NRG1: variants seen among roughly 807,000 people sequenced by gnomAD.
The protein encoded by NRG1 is neuregulin 1.
NRG1 carries 18 observed loss-of-function variants against 63.8 expected under a neutral mutation model. The observed-to-expected ratio is 0.28, with a 90% confidence interval of 0.19 to 0.42. NRG1 has a LOEUF of 0.42. NRG1 is among the 10% of genes least tolerant of loss of function. NRG1 has a pLI of 1.00. For missense variants in NRG1, 762 were observed against 814.7 expected (o/e 0.94, Z 0.79); for synonymous variants, 302 against 301.3 (o/e 1.00, Z -0.02).
In NRG1 at chr8:32,177,514, G is replaced by C. The variant is rs968087367; in HGVS notation, c.38-418314G>C. ...AAATATAAAAGACCTGCATGCATTA[G>C]GTGTTTGTCCTAATGCTCTGCCTCC... is the stretch of plus-strand genomic sequence containing the variant. On this transcript the variant is annotated intron_variant, in intron 1 of 10. Transcript: ENST00000519301. Among the ~76,000 whole-genome samples the C allele has an allele frequency of 9.9e-5, 15 of 151,952 alleles. No homozygotes were observed. In the South Asian group the frequency reaches 3.1e-3, roughly 32 times the overall value.
chr8:32,378,665 A>T (rs1204623486), intron 1 of NRG1, among the ~76,000 whole-genome samples: 6 of 152,154 alleles, frequency 3.9e-5, no homozygotes, highest in Admixed American at 3.9e-4. Flanking sequence ...CATGTGCACA[A>T]CGTGCAGGTT....
intron 1 of NRG1, among the ~76,000 whole-genome samples, chr8:32,086,735 T>C (rs1828277014): frequency 6.6e-6 from 1 of 152,338 alleles, no homozygotes; most frequent in South Asian, 2.1e-4. Context: ...TATTGTTTAC[T>C]GTGTTTAAAA....
chr8:32,761,906 G>C (rs1830746839), intron 11 of NRG1, among the ~76,000 whole-genome samples: 1 of 151,898 alleles, frequency 6.6e-6, no homozygotes, highest in Non-Finnish European at 1.5e-5. Flanking sequence ...GGGTATGGTG[G>C]TGCTGCCCTG....
chr8:31,862,581 C>A (rs1828565309), intron 1 of NRG1, among the ~76,000 whole-genome samples: 1 of 152,172 alleles, frequency 6.6e-6, no homozygotes, highest in African/African-American at 2.4e-5. Context: ...TTTAGCCCGA[C>A]CATGACTTTT....
chr8:32,346,928 C>G (rs894523641), intron 1 of NRG1, among the ~76,000 whole-genome samples: 2 of 151,688 alleles, frequency 1.3e-5, no homozygotes, highest in African/African-American at 4.8e-5. Context: ...CTTCCAGGTT[C>G]ATGCCATTCT....
At chr8:31,754,869 A>G (rs955112044) in intron 1 of NRG1, among the ~76,000 whole-genome samples, 1 of 152,126 alleles carries the variant, frequency 6.6e-6, no homozygotes. Flanking sequence ...GATTCTAATT[A>G]TCTTTATTGA....
At chr8:32,646,876 G>C (rs1184449201) in intron 5 of NRG1, 7 of 984,944 alleles carry the variant, frequency 7.1e-6, no homozygotes, top group Non-Finnish European at 8.4e-6. Context: ...AGTGTGGGTA[G>C]AGAGCGGGGA....
At chr8:32,393,680 G>A (rs939408748) in intron 1 of NRG1, among the ~76,000 whole-genome samples, 1 of 152,048 alleles carries the variant, frequency 6.6e-6, no homozygotes, top group African/African-American at 2.4e-5. Context: ...GGAGCTAAAT[G>A]ACGAGAATAC....
intron 1 of NRG1, among the ~76,000 whole-genome samples, chr8:31,680,136 AT>A (rs1563285822): frequency 6.6e-6 from 1 of 151,848 alleles, no homozygotes; most frequent in Non-Finnish European, 1.5e-5. Context: ...GTTTATTTTT[AT>A]TTTTTATTTT....
chr8:32,527,886 A>T (rs570856542), intron 1 of NRG1, among the ~76,000 whole-genome samples: 1 of 152,204 alleles, frequency 6.6e-6, no homozygotes, highest in African/African-American at 2.4e-5. Context: ...ATATCCTGAC[A>T]GCGCCACCTT....
intron 1 of NRG1, among the ~76,000 whole-genome samples, chr8:32,516,656 A>T (rs1829852981): frequency 1.3e-5 from 2 of 152,030 alleles, no homozygotes; most frequent in Admixed American, 1.3e-4. Context: ...CCTTGCTTAG[A>T]TTTATTCCTA....
intron 2 of NRG1, among the ~76,000 whole-genome samples, chr8:32,603,097 T>C (rs868454201): frequency 6.6e-6 from 1 of 152,224 alleles, no homozygotes; most frequent in Non-Finnish European, 1.5e-5. Flanking sequence ...ATAATGTCTC[T>C]GGTTGATGTG....
chr8:32,572,330 G>C (rs1352964372), intron 1 of NRG1, among the ~76,000 whole-genome samples: 1 of 152,104 alleles, frequency 6.6e-6, no homozygotes, highest in Admixed American at 6.6e-5. Flanking sequence ...AGCCCTCATA[G>C]GAATAAATTG....
At chr8:32,605,450 T>C (rs1302146138) in intron 2 of NRG1, 112 bp from the exon 3 acceptor site, 5 of 1,192,268 alleles carry the variant, frequency 4.2e-6, no homozygotes, top group Non-Finnish European at 6.1e-6. Context: ...TTAACATATG[T>C]ATAAGGTGGG....
chr8:32,236,291 A>G (rs1271728826), intron 1 of NRG1, among the ~76,000 whole-genome samples: 1 of 152,144 alleles, frequency 6.6e-6, no homozygotes, highest in Non-Finnish European at 1.5e-5. Flanking sequence ...GGGGAAAATC[A>G]AATTATGATA....
intron 1 of NRG1, among the ~76,000 whole-genome samples, chr8:32,000,271 A>G (rs1812703138): frequency 6.6e-6 from 1 of 151,992 alleles, no homozygotes; most frequent in Non-Finnish European, 1.5e-5. Flanking sequence ...TTTTGTTTAC[A>G]TGTATCCAGA....
intron 1 of NRG1, among the ~76,000 whole-genome samples, chr8:32,445,755 T>C (rs16879405): frequency 0.015 from 2,281 of 152,252 alleles, 64 homozygotes; most frequent in African/African-American, 0.052. Flanking sequence ...GAAGGCATAA[T>C]TGATATTCAC....
intron 1 of NRG1, among the ~76,000 whole-genome samples, chr8:32,397,140 A>G (rs12676094): frequency 0.4 from 60,600 of 151,930 alleles, 12,481 homozygotes; most frequent in Admixed American, 0.46. Flanking sequence ...AGATAGGTAG[A>G]TAGATACATA....
At chr8:32,528,782 A>T (rs1831148627) in intron 1 of NRG1, among the ~76,000 whole-genome samples, 1 of 152,194 alleles carries the variant, frequency 6.6e-6, no homozygotes, top group African/African-American at 2.4e-5. Context: ...TAAAAACAAC[A>T]TATTGTAGCT....
Sources: gnomAD v4.1 joint callset for allele counts (sites outside exome capture counted in the v4.1 genomes callset) on GRCh38, gnomAD v4.1.1 for gene constraint, MANE v1.5 for transcripts, NCBI Gene and HGNC (gene_info 2026-07-23, HGNC 2026-07-21) for gene names.